The following CALN1 variants were observed in gnomAD, a reference collection of about 807,000 sequenced individuals.
CALN1 encodes calcium-binding protein 8.
CALN1 carries 17 observed loss-of-function variants against 30.6 expected under a neutral mutation model. The ratio of observed to expected loss-of-function variants is 0.56; its 90% confidence interval spans 0.38 to 0.83. The LOEUF is 0.83. Among genes scored for constraint, CALN1 ranks in the 40% least tolerant of loss-of-function variants. The pLI is 0.00. For synonymous variants in CALN1, 156 were observed against 131.4 expected (o/e 1.19, Z -1.28); for missense variants, 291 against 354.9 (o/e 0.82, Z 1.45).
intron 2 of CALN1, among the ~76,000 whole-genome samples, chr7:72,375,863 C>G (rs907724430): frequency 1.3e-5 from 2 of 152,116 alleles, no homozygotes; most frequent in Non-Finnish European, 2.9e-5. Context: ...TTACAACTAT[C>G]TGATACTAGA....
rs895726318 is a variant in CALN1, at chr7:72,232,810, A to T, written c.244+45876T>A. On this transcript the variant is annotated intron_variant, in intron 3 of 6. Coordinates refer to ENST00000395275, the MANE Select transcript of CALN1 (RefSeq NM_031468.4). ...TAATGGTTTAGGAAACATATGATAT[A>T]TTGAAATTTTTTTAATACAACATAA... 2.0e-5 allele frequency among the ~76,000 whole-genome samples: 3 copies of T among 152,326 alleles called. 1 individual carries two copies. The highest frequency in any genetic ancestry group is 2.0e-4 in the Admixed American group (3 of 15,296).
At chr7:72,294,750 TAATAAATA>T (rs58274123) in intron 2 of CALN1, among the ~76,000 whole-genome samples, 134 of 147,938 alleles carry the variant, frequency 9.1e-4, no homozygotes, top group Non-Finnish European at 1.2e-3. Context: ...TCTAAAAAAG[TAATAAATA>T]AATAAATAAA....
At position 71,955,885 on chromosome 7, in the gene CALN1, C is replaced by T. The variant is rs150859454; in HGVS notation, c.501+67772G>A. On this transcript the variant is annotated intron_variant, in intron 5 of 6. Transcript: ENST00000395275. ...GCTTGAGGGCTGAAGATTGAAAAGCCGCTATTTAGTCTGGCACCTGGGTGG... is the reference window on the plus strand; with the variant it reads ...GCTTGAGGGCTGAAGATTGAAAAGCTGCTATTTAGTCTGGCACCTGGGTGG... 7.2e-3 allele frequency among the ~76,000 whole-genome samples: 1,102 copies of T among 152,090 alleles called. 19 individuals are homozygous for T. Among genetic ancestry groups the T allele is most frequent in the African/African-American group, 0.025 (1,045 of 41,494 alleles).
intron 4 of CALN1, among the ~76,000 whole-genome samples, chr7:72,070,846 A>G (rs1246869733): frequency 6.6e-6 from 1 of 152,160 alleles, no homozygotes. Flanking sequence ...CAATTTCTTA[A>G]GTCCTATTGG....
At chr7:72,336,653 G>C (rs922731348) in intron 2 of CALN1, 143 of 978,620 alleles carry the variant, frequency 1.5e-4, no homozygotes, top group Non-Finnish European at 1.6e-4. Context: ...GAGGGAAGAA[G>C]AAAAGAGAGC....
intron 5 of CALN1, among the ~76,000 whole-genome samples, chr7:71,921,892 T>C (rs1428334961): frequency 6.7e-6 from 1 of 149,068 alleles, no homozygotes; most frequent in Non-Finnish European, 1.5e-5. Context: ...TCCATTATTT[T>C]CTTCAAAAAG....
At chr7:72,321,758 T>C (rs960537803) in intron 2 of CALN1, among the ~76,000 whole-genome samples, 3 of 152,224 alleles carry the variant, frequency 2.0e-5, no homozygotes, top group African/African-American at 4.8e-5. Context: ...GCAGTCTTTC[T>C]GGATAGCTCT....
chr7:72,098,801 C>CACACACACACAG (rs1422585433), intron 4 of CALN1, among the ~76,000 whole-genome samples: 1 of 151,116 alleles, frequency 6.6e-6, no homozygotes, highest in African/African-American at 2.4e-5. Context: ...CACACACACA[C>CACACACACACAG]AGCCAGTCCC....
At chr7:72,489,806 T>A in the CALN1 span, among the ~76,000 whole-genome samples, 1 of 152,180 alleles carries the variant, frequency 6.6e-6, no homozygotes, top group Non-Finnish European at 1.5e-5. Flanking sequence ...GTCTTCCTCA[T>A]AGCAGAGTCT....
the CALN1 span, among the ~76,000 whole-genome samples, chr7:72,482,590 C>T: frequency 1.3e-5 from 2 of 152,022 alleles, no homozygotes; most frequent in African/African-American, 2.4e-5. Context: ...TGATACTATA[C>T]CACTTGACAT....
chr7:72,007,470 C>T (rs1799837617), intron 5 of CALN1, among the ~76,000 whole-genome samples: 1 of 152,114 alleles, frequency 6.6e-6, no homozygotes, highest in Non-Finnish European at 1.5e-5. Context: ...TCACTTGAAC[C>T]CAGGAGGCAG....
rs75628644 is a variant in CALN1 at position 72,194,959 on chromosome 7, A to G, written c.244+83727T>C. ...ACGGTCCCATATGGTTTAGGTTAAG[A>G]TCAACTCCTCATTCTAATATACAAG... On this transcript the variant is annotated intron_variant, in intron 3 of 6. Transcript: ENST00000395275. 9.9e-5 allele frequency among the ~76,000 whole-genome samples: 15 copies of G among 152,012 alleles called. No individual in the cohort carries two copies. In the East Asian group the frequency reaches 2.7e-3, roughly 28 times the overall value.
chr7:72,173,450 A>G (rs746915762), intron 3 of CALN1, among the ~76,000 whole-genome samples: 2 of 152,168 alleles, frequency 1.3e-5, no homozygotes, highest in Non-Finnish European at 2.9e-5. Context: ...AGACATTGAC[A>G]ATTTGGATTC....
intron 3 of CALN1, among the ~76,000 whole-genome samples, chr7:72,228,337 A>G (rs1793833328): frequency 6.6e-6 from 1 of 151,636 alleles, no homozygotes; most frequent in Non-Finnish European, 1.5e-5. Context: ...ATATCACATA[A>G]CAATTAGTTT....
chr7:71,791,623 G>A (rs1289934483), intron 6 of CALN1, among the ~76,000 whole-genome samples: 2 of 152,152 alleles, frequency 1.3e-5, no homozygotes, highest in East Asian at 1.9e-4. Flanking sequence ...TGCCTGGGTG[G>A]TGAAATAATC....
At position 72,257,453 on chromosome 7, in the gene CALN1, A is replaced by C. The variant is rs891989391; in HGVS notation, c.244+21233T>G. Reference sequence around the variant, plus strand: ...TAAGAATGGCCACAATTTTAAAAATAAAAAAAAATAGATGTTGGCATGGTT... The same window carrying C: ...TAAGAATGGCCACAATTTTAAAAATCAAAAAAAATAGATGTTGGCATGGTT... On this transcript the variant is annotated intron_variant, in intron 3 of 6. Transcript: ENST00000395275. Among the ~76,000 whole-genome samples the C allele has an allele frequency of 7.9e-5, 8 of 101,886 alleles. No individual in the cohort carries two copies. The East Asian group carries it at 4.7e-3, about 60-fold the overall frequency. The allele number at this position is 101,886 out of a possible 152,430, so 66.8% of individuals were successfully genotyped here.
intron 3 of CALN1, among the ~76,000 whole-genome samples, chr7:72,257,035 A>C (rs904712384): frequency 6.6e-6 from 1 of 152,176 alleles, no homozygotes; most frequent in Non-Finnish European, 1.5e-5. Context: ...AAATAGGTTT[A>C]ATTGACTCAC....
At chr7:72,487,762 G>GAAGGAAGGAA in the CALN1 span, among the ~76,000 whole-genome samples, 1 of 98,518 alleles carries the variant, frequency 1.0e-5, no homozygotes, top group Non-Finnish European at 1.9e-5. Flanking sequence ...AGGAAGGAAG[G>GAAGGAAGGAA]GTAAAGAAAG....
chr7:72,291,240 C>T (rs1016781965), intron 2 of CALN1, among the ~76,000 whole-genome samples: 4 of 152,098 alleles, frequency 2.6e-5, no homozygotes, highest in Non-Finnish European at 5.9e-5. Flanking sequence ...CCATTTCTGA[C>T]TTATTTCATA....
Sources: allele counts gnomAD v4.1 joint callset (sites outside exome capture counted in the v4.1 genomes callset), GRCh38; gene constraint gnomAD v4.1.1; transcripts MANE v1.5; gene names NCBI Gene and HGNC (gene_info 2026-07-23, HGNC 2026-07-21).